The following THSD7A variants were observed in gnomAD, a reference collection of about 807,000 sequenced individuals.
THSD7A encodes thrombospondin type-1 domain-containing protein 7A.
Under a neutral mutation model 231.3 loss-of-function variants are expected in THSD7A, and 96 were observed. That is an observed-to-expected ratio of 0.41 (90% CI 0.35 to 0.49). THSD7A has a LOEUF of 0.49. Among genes scored for constraint, THSD7A ranks in the 20% least tolerant of loss-of-function variants. THSD7A has a pLI of 0.05. For missense variants in THSD7A, 2,290 were observed against 2,070.2 expected, an observed-to-expected ratio of 1.11 and a Z score of -2.06; for synonymous variants, 940 against 743.3, an observed-to-expected ratio of 1.26 and a Z score of -4.30.
chr7:11,743,255 A>G (rs1379002260), intron 1 of THSD7A, among the ~76,000 whole-genome samples: 1 of 151,896 alleles, frequency 6.6e-6, no homozygotes, highest in Non-Finnish European at 1.5e-5. Flanking sequence ...TAAATAGTTG[A>G]GGTCCTTAGA....
At position 11,438,210 on chromosome 7, in the gene THSD7A, G is replaced by C. The variant is rs187353424; in HGVS notation, c.3064+7851C>G. On this transcript the variant is annotated intron_variant, in intron 13 of 27. Transcript: ENST00000423059. ...AATCATCTGTGTCAGAACTGTGAGA[G>C]GCTGGTGGAATAAGCAGTAGACTGC... 3.9e-5 allele frequency among the ~76,000 whole-genome samples: 6 copies of C among 152,082 alleles called. No individual in the cohort carries two copies. The East Asian group carries it at 9.7e-4, about 25-fold the overall frequency.
intron 6 of THSD7A, among the ~76,000 whole-genome samples, chr7:11,502,981 C>T (rs761555828): frequency 6.6e-6 from 1 of 151,956 alleles, no homozygotes; most frequent in African/African-American, 2.4e-5. Flanking sequence ...TTATATGAAA[C>T]CAAAAGAGAG....
chr7:11,469,922 G>T lies in THSD7A; in HGVS notation c.2325C>A (p.Thr775=), dbSNP rs1264899014. Residue 775 remains threonine (T), a synonymous_variant, in exon 9 of 28, where the codon ACC becomes ACA. Transcript: ENST00000423059. ...LLPCKKDCIV[T]PYSDWTSCPS... is the part of the protein sequence containing the mutation. ...GGCATGATGTCCAGTCACTATATGG[G>T]GTCACAATACAGTCCTTCTTACAAG... 2 of 1,603,202 alleles carry T rather than the reference G, an allele frequency of 1.2e-6. No individual in the cohort carries two copies. Among genetic ancestry groups the T allele is most frequent in the East Asian group, 2.2e-5 (1 of 44,550 alleles).
intron 1 of THSD7A, among the ~76,000 whole-genome samples, chr7:11,681,164 G>C (rs1043808039): frequency 6.6e-6 from 1 of 151,888 alleles, no homozygotes; most frequent in Non-Finnish European, 1.5e-5. Flanking sequence ...GAACATATGG[G>C]CACTGGGAGG....
At chr7:11,762,560 C>T (rs911222855) in intron 1 of THSD7A, among the ~76,000 whole-genome samples, 5 of 152,030 alleles carry the variant, frequency 3.3e-5, no homozygotes, top group Non-Finnish European at 7.4e-5. Context: ...GTGTCCTTTG[C>T]CCACTTTTCA....
intron 23 of THSD7A, among the ~76,000 whole-genome samples, chr7:11,390,280 T>G (rs1782929738): frequency 6.6e-6 from 1 of 152,218 alleles, no homozygotes; most frequent in African/African-American, 2.4e-5. Flanking sequence ...GTCCCATATT[T>G]CTTGGAGGCT....
intron 1 of THSD7A, among the ~76,000 whole-genome samples, chr7:11,776,612 T>C (rs2128173167): frequency 6.6e-6 from 1 of 152,298 alleles, no homozygotes; most frequent in Admixed American, 6.5e-5. Flanking sequence ...GTTTGCTGTG[T>C]TTTATAAAAC....
chr7:11,436,155 TAAAA>T, intron 13 of THSD7A, among the ~76,000 whole-genome samples: 1 of 152,056 alleles, frequency 6.6e-6, no homozygotes, highest in Non-Finnish European at 1.5e-5. Context: ...ATGCAGAGTT[TAAAA>T]ACCTCACATT....
rs200074549 is a variant in THSD7A at position 11,636,417 on chromosome 7, T to C, written c.735A>G (p.Pro245=). Residue 245 remains proline, a synonymous_variant, in exon 2 of 28, where the codon CCA becomes CCG. Coordinates refer to ENST00000423059, the MANE Select transcript of THSD7A (RefSeq NM_015204.3). This position sits in a 1 kb window ranked among gnomAD's most constrained non-coding sequence, Gnocchi z 10.0. The part of the protein sequence containing the change: ...LTEFQVCQSS[P]CEAEELRYSL... ...TGTACCTGAGCTCCTCGGCCTCGCA[T>C]GGACTGGATTGGCACACCTGGAACT... 6.8e-6 allele frequency: 11 copies of C among 1,613,612 alleles called. No individual in the cohort carries two copies. The highest frequency in any genetic ancestry group is 1.7e-5 in the Admixed American group (1 of 60,000).
intron 2 of THSD7A, among the ~76,000 whole-genome samples, chr7:11,624,272 A>T (rs1781409997): frequency 6.6e-6 from 1 of 151,912 alleles, no homozygotes; most frequent in African/African-American, 2.4e-5. Flanking sequence ...CTAGAATTTG[A>T]CCCCTCCAAT....
intron 22 of THSD7A, among the ~76,000 whole-genome samples, chr7:11,405,733 T>C (rs947198277): frequency 6.6e-6 from 1 of 152,238 alleles, no homozygotes; most frequent in Non-Finnish European, 1.5e-5. Context: ...TATCTTTCAA[T>C]AGTTTCCTCC....
At chr7:11,800,991 A>G (rs1450162914) in intron 1 of THSD7A, among the ~76,000 whole-genome samples, 1 of 152,132 alleles carries the variant, frequency 6.6e-6, no homozygotes, top group African/African-American at 2.4e-5. Context: ...GTAAACATAT[A>G]TGTCCAAACT....
intron 1 of THSD7A, among the ~76,000 whole-genome samples, chr7:11,674,608 C>G (rs1213887478): frequency 6.6e-6 from 1 of 152,088 alleles, no homozygotes; most frequent in Non-Finnish European, 1.5e-5. Context: ...TCTGAAGACA[C>G]AAAGACACAA....
At chr7:11,505,071 T>A (rs1178933393) in intron 6 of THSD7A, among the ~76,000 whole-genome samples, 2 of 152,146 alleles carry the variant, frequency 1.3e-5, no homozygotes, top group African/African-American at 4.8e-5. Context: ...TCTCATTTGG[T>A]TCGGTAGGAA....
chr7:11,493,983 T>C (rs1454064009), intron 6 of THSD7A, among the ~76,000 whole-genome samples: 9 of 152,014 alleles, frequency 5.9e-5, no homozygotes, highest in Non-Finnish European at 1.0e-4. Flanking sequence ...CACACAGATT[T>C]ATACCAATAC....
At chr7:11,407,744 T>C (rs538296877) in intron 19 of THSD7A, among the ~76,000 whole-genome samples, 3 of 152,304 alleles carry the variant, frequency 2.0e-5, no homozygotes, top group Admixed American at 1.3e-4. Flanking sequence ...AACAAGTAAA[T>C]ATAAGCATAA....
chr7:11,745,384 T>C (rs1482013100), intron 1 of THSD7A, among the ~76,000 whole-genome samples: 1 of 152,038 alleles, frequency 6.6e-6, no homozygotes, highest in Non-Finnish European at 1.5e-5. Context: ...TTTTTTCCCA[T>C]TTTGTAGGTT....
chr7:11,799,718 A>G (rs992339337), intron 1 of THSD7A, among the ~76,000 whole-genome samples: 2 of 152,224 alleles, frequency 1.3e-5, no homozygotes, highest in Admixed American at 1.3e-4. Context: ...GTTCCTATGC[A>G]TATTGACACA....
At chr7:11,788,563 T>C (rs1005194314) in intron 1 of THSD7A, among the ~76,000 whole-genome samples, 8 of 152,052 alleles carry the variant, frequency 5.3e-5, no homozygotes, top group African/African-American at 1.9e-4. Flanking sequence ...AGAGTATCTT[T>C]TAAAATTTTA....
Sources: allele counts gnomAD v4.1 joint callset (sites outside exome capture counted in the v4.1 genomes callset), GRCh38; gene constraint gnomAD v4.1.1; non-coding constraint Gnocchi (gnomAD v3.1); transcripts MANE v1.5; gene names NCBI Gene and HGNC (gene_info 2026-07-23, HGNC 2026-07-21).